The following SPATA16 variants were observed in gnomAD, a reference collection of about 807,000 sequenced individuals.
The protein encoded by SPATA16 is spermatogenesis associated 16, also known as spermatogenesis-associated protein 16.
Under a neutral mutation model 63.3 loss-of-function variants are expected in SPATA16, and 36 were observed. That is an observed-to-expected ratio of 0.57 (90% CI 0.44 to 0.75). The LOEUF (loss-of-function observed/expected upper bound fraction) is 0.75, where lower values mean the gene tolerates loss of function less well. Ranked by LOEUF, SPATA16 falls within the 30% of genes least tolerant of loss-of-function variation. The probability of loss-of-function intolerance (pLI) is 0.00; values close to 1 mark genes in which losing one functional copy is unlikely to be tolerated. For synonymous variants in SPATA16, 203 were observed against 216.7 expected, an observed-to-expected ratio of 0.94 and a Z score of 0.56; for missense variants, 646 against 679.3, an observed-to-expected ratio of 0.95 and a Z score of 0.54.
At chr3:173,027,152 C>T (rs1478338847) in intron 3 of SPATA16, among the ~76,000 whole-genome samples, 1 of 151,840 alleles carries the variant, frequency 6.6e-6, no homozygotes, top group Non-Finnish European at 1.5e-5. Context: ...TTATTCCAAA[C>T]ATTTGATATT....
At chr3:172,974,994 G>T (rs1734121371) in intron 5 of SPATA16, among the ~76,000 whole-genome samples, 1 of 152,026 alleles carries the variant, frequency 6.6e-6, no homozygotes, top group Middle Eastern at 3.2e-3. Flanking sequence ...TTTTATTAAT[G>T]CATAATAGTA....
At chr3:173,023,125 T>G (rs1735371952) in intron 3 of SPATA16, among the ~76,000 whole-genome samples, 1 of 147,960 alleles carries the variant, frequency 6.8e-6, no homozygotes, top group African/African-American at 2.6e-5. Context: ...TCACATGATT[T>G]GATGCTTGTG....
chr3:172,914,862 T>G (rs1242764262), intron 9 of SPATA16, among the ~76,000 whole-genome samples: 1 of 151,962 alleles, frequency 6.6e-6, no homozygotes, highest in Non-Finnish European at 1.5e-5. Context: ...GTATATATTT[T>G]GAAAAATAAG....
chr3:173,003,407 A>G (rs113901575), intron 4 of SPATA16, among the ~76,000 whole-genome samples: 1,843 of 152,278 alleles, frequency 0.012, 42 homozygotes, highest in African/African-American at 0.042. Flanking sequence ...TAATTCTAAC[A>G]ATACCCTTAT....
intron 4 of SPATA16, among the ~76,000 whole-genome samples, chr3:172,988,919 T>G (rs1734514413): frequency 6.6e-6 from 1 of 152,186 alleles, no homozygotes; most frequent in South Asian, 2.1e-4. Flanking sequence ...ATTATAGGTG[T>G]GCACTCTTCC....
At chr3:173,092,109 A>G (rs1460785309) in intron 2 of SPATA16, among the ~76,000 whole-genome samples, 1 of 152,144 alleles carries the variant, frequency 6.6e-6, no homozygotes, top group East Asian at 1.9e-4. Flanking sequence ...TGGGATAAGC[A>G]GAATTGATGC....
chr3:172,978,363 T>C (rs533720376), intron 4 of SPATA16, among the ~76,000 whole-genome samples: 2 of 152,210 alleles, frequency 1.3e-5, no homozygotes, highest in African/African-American at 2.4e-5. Flanking sequence ...AAATCATAGA[T>C]TGTAGAGGGA....
At chr3:172,939,071 C>T (rs980097788) in intron 6 of SPATA16, among the ~76,000 whole-genome samples, 3 of 152,046 alleles carry the variant, frequency 2.0e-5, no homozygotes, top group African/African-American at 7.2e-5. Flanking sequence ...CCCGGGAGCC[C>T]CCGCTTCAAG....
intron 10 of SPATA16, among the ~76,000 whole-genome samples, chr3:172,908,086 G>T (rs908682452): frequency 6.6e-6 from 1 of 152,204 alleles, no homozygotes; most frequent in African/African-American, 2.4e-5. Context: ...GGCACTGCTT[G>T]TTCATGGCTG....
chr3:172,906,901 C>G (rs1732252803), intron 10 of SPATA16, among the ~76,000 whole-genome samples: 1 of 152,096 alleles, frequency 6.6e-6, no homozygotes. Flanking sequence ...GCTACCACGC[C>G]CGGCTAATTT....
chr3:173,111,546 T>G (rs1737750141), intron 2 of SPATA16, among the ~76,000 whole-genome samples: 1 of 152,220 alleles, frequency 6.6e-6, no homozygotes, highest in East Asian at 1.9e-4. Context: ...AACCCCCAAA[T>G]TTCTGATTAT....
chr3:173,045,259 A>G (rs1735930835), intron 3 of SPATA16, among the ~76,000 whole-genome samples: 1 of 152,024 alleles, frequency 6.6e-6, no homozygotes, highest in South Asian at 2.1e-4. Flanking sequence ...GTGAGACTGT[A>G]GTTTAACTTG....
intron 6 of SPATA16, among the ~76,000 whole-genome samples, chr3:172,943,717 G>C (rs1442222403): frequency 2.6e-5 from 4 of 152,166 alleles, no homozygotes; most frequent in African/African-American, 9.7e-5. Context: ...TCCAGCCTGG[G>C]TGACAGAGCA....
intron 3 of SPATA16, among the ~76,000 whole-genome samples, chr3:173,044,774 G>T (rs1202373172): frequency 5.3e-5 from 8 of 151,928 alleles, no homozygotes; most frequent in Non-Finnish European, 1.0e-4. Flanking sequence ...AGGTTTTTTT[G>T]TTTTTGTTTT....
At position 172,926,301 on chromosome 3, in the gene SPATA16, T is replaced by C. The variant is rs192817502; in HGVS notation, c.1082-809A>G. Among the ~76,000 whole-genome samples, 480 of 152,350 alleles carry C rather than the reference T, an allele frequency of 3.2e-3. 5 individuals carry two copies. The highest frequency in any genetic ancestry group is 0.011 in the African/African-American group (458 of 41,584). ...ATGATAAATGTACTGACTATTGTAATTAGACTTGGAAATAATTCGTGTCAT... is the reference window on the plus strand; with the variant it reads ...ATGATAAATGTACTGACTATTGTAACTAGACTTGGAAATAATTCGTGTCAT... On this transcript the variant is annotated intron_variant, in intron 6 of 10. Transcript: ENST00000351008.
chr3:173,042,566 C>T (rs60433987), intron 3 of SPATA16, among the ~76,000 whole-genome samples: 3,466 of 152,172 alleles, frequency 0.023, 123 homozygotes, highest in African/African-American at 0.079. Context: ...TTTCTATTAC[C>T]ACTGAAAATT....
chr3:173,036,909 AAGTG>A (rs1240798208), intron 3 of SPATA16, among the ~76,000 whole-genome samples: 5 of 152,040 alleles, frequency 3.3e-5, no homozygotes, highest in African/African-American at 4.8e-5. Context: ...TATCATTTTG[AAGTG>A]AGTGAGTAAA....
At chr3:173,025,193 G>T (rs150591611) in intron 3 of SPATA16, among the ~76,000 whole-genome samples, 2,206 of 151,498 alleles carry the variant, frequency 0.015, 35 homozygotes, top group Non-Finnish European at 0.021. Flanking sequence ...GAATGTAGAA[G>T]AAATAATATA....
At chr3:173,058,912 T>A (rs1203812750) in intron 2 of SPATA16, among the ~76,000 whole-genome samples, 3 of 152,116 alleles carry the variant, frequency 2.0e-5, no homozygotes, top group Non-Finnish European at 4.4e-5. Flanking sequence ...TGAAAAAGTC[T>A]AAGCCCAGCT....
Sources: allele counts gnomAD v4.1 joint callset (sites outside exome capture counted in the v4.1 genomes callset), GRCh38; gene constraint gnomAD v4.1.1; transcripts MANE v1.5; gene names NCBI Gene and HGNC (gene_info 2026-07-23, HGNC 2026-07-21).